Variants in TBC1D8 observed in about 807,000 individuals in gnomAD.
TBC1D8 encodes BUB2-like protein 1.
In TBC1D8, 65 loss-of-function variants were observed where a neutral mutation model predicts 118.8. That is an observed-to-expected ratio of 0.55 (90% CI 0.45 to 0.67). The LOEUF (loss-of-function observed/expected upper bound fraction) is 0.67, where lower values mean the gene tolerates loss of function less well. Ranked by LOEUF, TBC1D8 falls within the 30% of genes least tolerant of loss-of-function variation. TBC1D8 has a pLI of 0.00. For synonymous variants in TBC1D8, 566 were observed against 595.8 expected (o/e 0.95, Z 0.73); for missense variants, 1,376 against 1,471.2 (o/e 0.94, Z 1.06).
intron 3 of TBC1D8, among the ~76,000 whole-genome samples, chr2:101,056,161 G>A (rs13417123): frequency 0.13 from 18,926 of 150,342 alleles, 1,365 homozygotes; most frequent in Non-Finnish European, 0.16. Flanking sequence ...AATCAAACCC[G>A]AGCACTGACA....
At chr2:101,095,840 T>C (rs553293728) in intron 1 of TBC1D8, among the ~76,000 whole-genome samples, 1 of 152,284 alleles carries the variant, frequency 6.6e-6, no homozygotes, top group African/African-American at 2.4e-5. Context: ...TAACTCCATC[T>C]AGCTTTCTTG....
intron 1 of TBC1D8, among the ~76,000 whole-genome samples, chr2:101,113,611 C>T (rs566982947): frequency 3.9e-5 from 6 of 152,172 alleles, no homozygotes; most frequent in Non-Finnish European, 8.8e-5. Flanking sequence ...CTACCTCCAC[C>T]TTGCAAACCA....
intron 12 of TBC1D8, 75 bp downstream of exon 12, chr2:101,029,416 C>T (rs758541669): frequency 7.6e-5 from 114 of 1,497,790 alleles, no homozygotes; most frequent in Non-Finnish European, 9.7e-5. Flanking sequence ...AAAACTTCCC[C>T]ACCGATAGCC....
intron 19 of TBC1D8, among the ~76,000 whole-genome samples, chr2:101,008,994 T>A (rs1678966275): frequency 6.6e-6 from 1 of 152,226 alleles, no homozygotes; most frequent in Non-Finnish European, 1.5e-5. Context: ...TGCCTGTTGT[T>A]TTCTCAGTGT....
chr2:101,086,951 T>C (rs1228663265), intron 2 of TBC1D8, among the ~76,000 whole-genome samples: 1 of 151,928 alleles, frequency 6.6e-6, no homozygotes. Context: ...CCCTGGCTAA[T>C]TTCTGTACTT....
At chr2:101,091,525 G>C (rs1048215677) in intron 1 of TBC1D8, among the ~76,000 whole-genome samples, 3 of 152,024 alleles carry the variant, frequency 2.0e-5, no homozygotes, top group Non-Finnish European at 2.9e-5. Flanking sequence ...AGGAGTTTGA[G>C]ACCAGGCTGG....
intron 1 of TBC1D8, 55 bp downstream of exon 1, chr2:101,151,072 G>C: frequency 2.0e-6 from 2 of 982,132 alleles, no homozygotes; most frequent in Non-Finnish European, 2.4e-6. Flanking sequence ...CGCGGGCCCG[G>C]CGGGGTGCGA....
intron 1 of TBC1D8, among the ~76,000 whole-genome samples, chr2:101,094,939 T>G (rs961668994): frequency 1.3e-5 from 2 of 152,188 alleles, no homozygotes; most frequent in African/African-American, 2.4e-5. Flanking sequence ...ACAGCCAAGA[T>G]CAGCTTCCCT....
intron 17 of TBC1D8, chr2:101,018,007 C>G: frequency 7.2e-7 from 1 of 1,397,480 alleles, no homozygotes; most frequent in East Asian, 2.5e-5. Flanking sequence ...AATTCTACTT[C>G]AAGCATGTGC....
intron 17 of TBC1D8, chr2:101,018,163 T>C (rs1192544373): frequency 2.3e-6 from 1 of 441,834 alleles, no homozygotes; most frequent in Non-Finnish European, 4.1e-6. Context: ...CAGATATTGC[T>C]GTACTAATCT....
chr2:101,129,506 G>A (rs2104252541), intron 1 of TBC1D8, among the ~76,000 whole-genome samples: 1 of 152,204 alleles, frequency 6.6e-6, no homozygotes, highest in African/African-American at 2.4e-5. Flanking sequence ...CATTTCAACA[G>A]TCGCCAGCCC....
chr2:101,034,047 C>G (rs1237572308), intron 9 of TBC1D8, among the ~76,000 whole-genome samples: 1 of 152,106 alleles, frequency 6.6e-6, no homozygotes, highest in African/African-American at 2.4e-5. Flanking sequence ...GCCTGTAAAC[C>G]TAGCTACTCA....
chr2:101,047,601 T>G (rs887403756), intron 5 of TBC1D8, among the ~76,000 whole-genome samples: 25 of 152,274 alleles, frequency 1.6e-4, no homozygotes, highest in African/African-American at 6.0e-4. Context: ...GGAGGCAAGG[T>G]ACATACATGC....
intron 1 of TBC1D8, among the ~76,000 whole-genome samples, chr2:101,113,984 C>A (rs751188581): frequency 3.3e-5 from 5 of 152,216 alleles, no homozygotes; most frequent in African/African-American, 4.8e-5. Context: ...AAGCAACTAT[C>A]TATTGAACAC....
At position 101,018,176 on chromosome 2, in the gene TBC1D8, A is replaced by C. The variant is rs1679794260; in HGVS notation, c.2827+3505T>G. On this transcript the variant is annotated intron_variant, in intron 17 of 19. Transcript: ENST00000409318. ...TACAGATATTGCTGTACTAATCTATAATTATGTTTTAGAATTCAAATTATA... is the reference window on the plus strand; with the variant it reads ...TACAGATATTGCTGTACTAATCTATCATTATGTTTTAGAATTCAAATTATA... 7.7e-6 allele frequency: 3 copies of C among 390,180 alleles called. No individual in the cohort carries two copies. In the South Asian group the frequency reaches 1.8e-4, roughly 23 times the overall value. The allele number at this position is 390,180 out of a possible 1,614,324, so 24.2% of individuals were successfully genotyped here.
At chr2:101,060,609 C>A (rs994446438) in intron 2 of TBC1D8, among the ~76,000 whole-genome samples, 1 of 152,130 alleles carries the variant, frequency 6.6e-6, no homozygotes. Flanking sequence ...CCTCTCTATT[C>A]TCATCATCTC....
chr2:101,032,457 G>A, intron 10 of TBC1D8, 72 bp from the exon 11 acceptor site: 1 of 1,330,066 alleles, frequency 7.5e-7, no homozygotes, highest in East Asian at 2.4e-5. Context: ...AAGCATCCAA[G>A]CCCAAACAAC....
At chr2:101,094,906 G>A (rs779812208) in intron 1 of TBC1D8, among the ~76,000 whole-genome samples, 50 of 152,192 alleles carry the variant, frequency 3.3e-4, no homozygotes, top group Admixed American at 4.6e-4. Flanking sequence ...TCGAAATGTA[G>A]AGAGAGATGG....
intron 5 of TBC1D8, among the ~76,000 whole-genome samples, chr2:101,047,055 CTTTTT>C (rs1681753775): frequency 6.6e-6 from 1 of 152,188 alleles, no homozygotes; most frequent in Non-Finnish European, 1.5e-5. Flanking sequence ...TCAGGATGGT[CTTTTT>C]TCCTTTCCGC....
Sources: gnomAD v4.1 joint callset for allele counts (sites outside exome capture counted in the v4.1 genomes callset) on GRCh38, gnomAD v4.1.1 for gene constraint, MANE v1.5 for transcripts, NCBI Gene and HGNC (gene_info 2026-07-23, HGNC 2026-07-21) for gene names.